Variants in TMEFF2 observed in about 807,000 individuals in gnomAD.
The protein encoded by TMEFF2 is transmembrane protein with EGF like and two follistatin like domains 2, also known as tomoregulin-2.
TMEFF2 carries 28 observed loss-of-function variants against 53.8 expected under a neutral mutation model. The ratio of observed to expected loss-of-function variants is 0.52; its 90% CI spans 0.39 to 0.71. TMEFF2 has a LOEUF of 0.71. TMEFF2 is among the 30% of genes least tolerant of loss of function. TMEFF2 has a pLI of 0.00. For synonymous variants in TMEFF2, 162 were observed against 166.3 expected (o/e 0.97, Z 0.20); for missense variants, 353 against 455.2 (o/e 0.78, Z 2.04).
chr2:192,015,254 T>G lies in TMEFF2; in HGVS notation c.537-16046A>C, dbSNP rs139003988. On this transcript the variant is annotated intron_variant, in intron 5 of 9. Coordinates refer to ENST00000272771, the MANE Select transcript of TMEFF2 (RefSeq NM_016192.4). The stretch of plus-strand genomic sequence containing the variant: ...GTGACTTGTCATTGGAATATTTTTA[T>G]TGACAGAGGGACATTAAAATGGTTC... 5.8e-3 allele frequency among the ~76,000 whole-genome samples: 877 copies of G among 150,922 alleles called. 7 individuals carry two copies. The highest frequency in any genetic ancestry group is 0.021 in the African/African-American group (854 of 41,294).
intron 5 of TMEFF2, among the ~76,000 whole-genome samples, chr2:192,052,638 ATTC>A (rs143084526): frequency 0.37 from 47,307 of 127,650 alleles, 7,729 homozygotes; most frequent in Non-Finnish European, 0.43. Context: ...TTTATAAGCC[ATTC>A]TTCTTCTTTA....
chr2:192,164,978 C>CTCTGTGTGTG (rs1690724590), intron 4 of TMEFF2, among the ~76,000 whole-genome samples: 1 of 145,112 alleles, frequency 6.9e-6, no homozygotes, highest in African/African-American at 2.6e-5. Flanking sequence ...TGAATAAAAA[C>CTCTGTGTGTG]TGTGTGTGTG....
intron 4 of TMEFF2, among the ~76,000 whole-genome samples, chr2:192,109,547 T>C (rs1689227315): frequency 1.3e-5 from 2 of 152,230 alleles, no homozygotes; most frequent in Non-Finnish European, 2.9e-5. Context: ...ACACTTACAA[T>C]GTTATCTCTG....
At chr2:192,190,271 TG>T (rs1388673486) in intron 2 of TMEFF2, among the ~76,000 whole-genome samples, 1 of 152,148 alleles carries the variant, frequency 6.6e-6, no homozygotes, top group Non-Finnish European at 1.5e-5. Context: ...ATGTTTTTCC[TG>T]GTTCATTTGA....
chr2:191,951,111 T>C (rs927867294), intron 9 of TMEFF2, among the ~76,000 whole-genome samples: 2 of 152,102 alleles, frequency 1.3e-5, no homozygotes, highest in African/African-American at 4.8e-5. Flanking sequence ...TAAAAATATA[T>C]GAATATACAT....
chr2:192,133,451 CG>C (rs1689910320), intron 4 of TMEFF2, among the ~76,000 whole-genome samples: 1 of 152,200 alleles, frequency 6.6e-6, no homozygotes, highest in Non-Finnish European at 1.5e-5. Context: ...TGTTATCACT[CG>C]TCTGCTACAG....
chr2:192,176,674 A>C (rs1691052405), intron 4 of TMEFF2: 1 of 151,264 alleles, frequency 6.6e-6, no homozygotes, highest in South Asian at 2.1e-4. Context: ...AATAAATTTT[A>C]TAAAACCTTT....
intron 5 of TMEFF2, among the ~76,000 whole-genome samples, chr2:192,003,507 C>T (rs1389533525): frequency 2.6e-5 from 4 of 152,152 alleles, no homozygotes; most frequent in Admixed American, 2.6e-4. Flanking sequence ...GACTCTTGGT[C>T]CTTGTCTTCT....
In TMEFF2 at chr2:192,142,533, C is replaced by T. The variant is rs151029487; in HGVS notation, c.439+37135G>A. Among the ~76,000 whole-genome samples, 43 of 151,776 alleles carry T rather than the reference C, an allele frequency of 2.8e-4. No homozygotes were observed. The East Asian group carries it at 7.6e-3, about 27-fold the overall frequency. The stretch of plus-strand genomic sequence containing the variant: ...TCTTTTACTGGACATTATGGAATTA[C>T]GGAATCCCATAATGACTGGAATTAT... On this transcript the variant is annotated intron_variant, in intron 4 of 9. Coordinates refer to ENST00000272771, the MANE Select transcript of TMEFF2 (RefSeq NM_016192.4).
At chr2:192,043,275 G>C (rs908386403) in intron 5 of TMEFF2, among the ~76,000 whole-genome samples, 24 of 152,166 alleles carry the variant, frequency 1.6e-4, no homozygotes, top group Non-Finnish European at 1.6e-4. Context: ...TAAAAAAAGA[G>C]AGTCATGGTC....
At chr2:192,009,182 G>A (rs555075997) in intron 5 of TMEFF2, among the ~76,000 whole-genome samples, 6 of 152,206 alleles carry the variant, frequency 3.9e-5, no homozygotes, top group Non-Finnish European at 8.8e-5. Context: ...TCAGTTATAA[G>A]ATCTTTTGTA....
At chr2:192,036,163 GTGTT>G (rs1439837263) in intron 5 of TMEFF2, 3 of 152,134 alleles carry the variant, frequency 2.0e-5, no homozygotes, top group African/African-American at 7.2e-5. Flanking sequence ...TCTTGGAACT[GTGTT>G]TGTTACTGAG....
intron 5 of TMEFF2, among the ~76,000 whole-genome samples, chr2:192,007,202 A>G (rs1686519138): frequency 2.0e-5 from 3 of 152,206 alleles, no homozygotes. Flanking sequence ...CATATGGCAC[A>G]TACTCCATGC....
intron 4 of TMEFF2, among the ~76,000 whole-genome samples, chr2:192,117,648 ACT>A (rs1255637113): frequency 6.6e-6 from 1 of 151,718 alleles, no homozygotes; most frequent in African/African-American, 2.4e-5. Context: ...ACCATATGTG[ACT>A]CTTTTTCCAC....
intron 2 of TMEFF2, among the ~76,000 whole-genome samples, chr2:192,190,351 C>T (rs1691432516): frequency 6.6e-6 from 1 of 151,930 alleles, no homozygotes; most frequent in South Asian, 2.1e-4. Flanking sequence ...ATGGAAATCA[C>T]AAAGGGAAAG....
At chr2:192,160,951 A>G (rs903661641) in intron 4 of TMEFF2, among the ~76,000 whole-genome samples, 1 of 152,148 alleles carries the variant, frequency 6.6e-6, no homozygotes, top group African/African-American at 2.4e-5. Flanking sequence ...GAGAGTCTAG[A>G]GTCATCACTC....
chr2:192,019,226 T>C (rs1367242465), intron 5 of TMEFF2, among the ~76,000 whole-genome samples: 1 of 152,080 alleles, frequency 6.6e-6, no homozygotes, highest in African/African-American at 2.4e-5. Context: ...GCTATTTTTT[T>C]TTAACTTGTA....
At chr2:192,128,949 G>T (rs980835890) in intron 4 of TMEFF2, among the ~76,000 whole-genome samples, 3 of 152,176 alleles carry the variant, frequency 2.0e-5, no homozygotes, top group Non-Finnish European at 4.4e-5. Context: ...GGTGCCTTTT[G>T]TGTTACTTGT....
At chr2:191,982,640 T>C (rs1049863100) in intron 7 of TMEFF2, among the ~76,000 whole-genome samples, 7 of 152,160 alleles carry the variant, frequency 4.6e-5, no homozygotes, top group Non-Finnish European at 8.8e-5. Context: ...TTAGAAGTTA[T>C]GAGTTTTATA....
Sources: gnomAD v4.1 joint callset for allele counts (sites outside exome capture counted in the v4.1 genomes callset) on GRCh38, gnomAD v4.1.1 for gene constraint, MANE v1.5 for transcripts, NCBI Gene and HGNC (gene_info 2026-07-23, HGNC 2026-07-21) for gene names.